The following CLEC16A variants were observed in gnomAD, a reference collection of about 807,000 sequenced individuals.
CLEC16A encodes the protein protein CLEC16A.
A neutral mutation model predicts 109.5 loss-of-function variants in CLEC16A; 51 were observed. That is an observed-to-expected ratio of 0.47 (90% CI 0.37 to 0.59). The LOEUF is 0.59. Among genes scored for constraint, CLEC16A ranks in the 20% least tolerant of loss-of-function variants. The pLI, the probability that CLEC16A is intolerant of heterozygous loss-of-function variation, is 0.00. For missense variants in CLEC16A, 1,339 were observed against 1,394.0 expected (o/e 0.96, Z 0.63); for synonymous variants, 673 against 564.2 (o/e 1.19, Z -2.73).
intron 10 of CLEC16A, among the ~76,000 whole-genome samples, chr16:11,001,240 C>T (rs2044652959): frequency 6.6e-6 from 1 of 152,196 alleles, no homozygotes; most frequent in African/African-American, 2.4e-5. Flanking sequence ...GGCATGCCAC[C>T]ATGCCCAGCT....
chr16:10,982,974 G>C lies in CLEC16A; in HGVS notation c.1054G>C (p.Asp352His). 1 of 1,601,680 alleles carries C rather than the reference G, an allele frequency of 6.2e-7. No individual in the cohort carries two copies. The highest frequency in any genetic ancestry group is 8.6e-7 in the Non-Finnish European group (1 of 1,168,744). ...TGAGATGTACGCTAAGACTGAACAG[G>C]ATATTCAGAGAAGTTCTGTAAGTCA... ...LSEMYAKTEQ[D>H]IQRSSAKPSI... is the part of the protein sequence containing the mutation. Residue 352 changes from aspartate (D) to histidine (H), a missense_variant, in exon 10 of 24, where the codon GAT (aspartate) becomes CAT (histidine). By Grantham distance (81) the Asp-to-His change is moderately conservative (BLOSUM62 -1). This residue lies in a region of CLEC16A where 1,061 missense variants were observed against 1,006.8 expected (regional missense o/e 1.05). Transcript: ENST00000409790.
intron 19 of CLEC16A, among the ~76,000 whole-genome samples, chr16:11,074,057 C>T (rs7192790): frequency 6.6e-6 from 1 of 152,170 alleles, no homozygotes; most frequent in Non-Finnish European, 1.5e-5. Flanking sequence ...CCCATCTTGG[C>T]ATTTTCTAAA....
intron 1 of CLEC16A, among the ~76,000 whole-genome samples, chr16:10,945,528 G>A (rs1171559879): frequency 6.6e-6 from 1 of 152,188 alleles, no homozygotes; most frequent in Non-Finnish European, 1.5e-5. Flanking sequence ...CAGAAATTAA[G>A]AGGCTGGCTT....
In CLEC16A at chr16:11,020,343, C is replaced by G. The variant is rs772546016; in HGVS notation, c.1436+18C>G. 6.3e-7 allele frequency: 1 copy of G among 1,593,504 alleles called. No homozygotes were observed. The highest frequency in any genetic ancestry group is 8.5e-7 in the Non-Finnish European group (1 of 1,170,202). ...TGGAGCAGGTAGCTGCCCGAGAGGT[C>G]GATGCTGAGTGCTCTCTCAGGGAAG... On this transcript the variant is annotated intron_variant, in intron 12 of 23. Transcript: ENST00000409790.
chr16:11,169,637 G>A (rs1387141814), intron 23 of CLEC16A, among the ~76,000 whole-genome samples: 1 of 152,226 alleles, frequency 6.6e-6, no homozygotes, highest in Non-Finnish European at 1.5e-5. Context: ...AAGTACACAA[G>A]ATATGCCATC....
chr16:10,995,506 G>T lies in CLEC16A; in HGVS notation c.1072-7568G>T, dbSNP rs200943305. On this transcript the variant is annotated intron_variant, in intron 10 of 23. Transcript: ENST00000409790. ...AAGTTGCTGGGAGCTTGGGAGTCAA[G>T]TTTAAAGCATAGAACATGACTGTTC... 8.5e-5 allele frequency among the ~76,000 whole-genome samples: 13 copies of T among 152,326 alleles called. No individual in the cohort carries two copies. The East Asian group carries it at 2.5e-3, about 29-fold the overall frequency.
chr16:11,126,448 G>C (rs1301196268), intron 22 of CLEC16A: 1 of 1,307,400 alleles, frequency 7.6e-7, no homozygotes, highest in Non-Finnish European at 1.0e-6. Context: ...TAAATGATTA[G>C]TGCTGAAGTT....
intron 23 of CLEC16A, among the ~76,000 whole-genome samples, chr16:11,173,063 C>A (rs1370040058): frequency 6.6e-6 from 1 of 152,128 alleles, no homozygotes; most frequent in African/African-American, 2.4e-5. Context: ...CCAAGAGAGC[C>A]CCCTTCACCC....
At chr16:11,159,237 C>T (rs2153086803) in intron 22 of CLEC16A, among the ~76,000 whole-genome samples, 1 of 152,328 alleles carries the variant, frequency 6.6e-6, no homozygotes, top group Admixed American at 6.5e-5. Context: ...GGCACAAAAG[C>T]TGAATGTCCC....
intron 23 of CLEC16A, among the ~76,000 whole-genome samples, chr16:11,170,232 C>T (rs971319798): frequency 3.3e-5 from 5 of 152,170 alleles, no homozygotes; most frequent in Non-Finnish European, 4.4e-5. Context: ...TGAAAAGTCA[C>T]GGCCCCACTC....
intron 22 of CLEC16A, among the ~76,000 whole-genome samples, chr16:11,133,442 A>G (rs28642853): frequency 0.042 from 6,346 of 152,064 alleles, 436 homozygotes; most frequent in African/African-American, 0.15. Flanking sequence ...CGGCAGGGTC[A>G]GTCACGTGAC....
chr16:11,018,824 A>G (rs1013429713), intron 11 of CLEC16A, among the ~76,000 whole-genome samples: 3 of 151,730 alleles, frequency 2.0e-5, no homozygotes. Context: ...CTGGAGCAGC[A>G]TGAGCCAGCC....
chr16:11,088,792 C>T (rs897691960), intron 19 of CLEC16A, among the ~76,000 whole-genome samples: 2 of 152,204 alleles, frequency 1.3e-5, no homozygotes, highest in Non-Finnish European at 2.9e-5. Context: ...ATGGAGTGGG[C>T]GCCGTCCTGG....
At chr16:10,972,512 T>C (rs762748621) in intron 5 of CLEC16A, 42 bp from the exon 6 acceptor site, 2 of 1,605,586 alleles carry the variant, frequency 1.2e-6, no homozygotes, top group South Asian at 1.1e-5. Flanking sequence ...TGTCTGTTTT[T>C]TGCTTTTCCT....
intron 1 of CLEC16A, among the ~76,000 whole-genome samples, chr16:10,950,380 G>A (rs904578922): frequency 6.6e-6 from 1 of 152,106 alleles, no homozygotes; most frequent in Non-Finnish European, 1.5e-5. Context: ...TTCAGAAAAG[G>A]CCAGTCTTTT....
chr16:11,002,752 T>G (rs1308519411), intron 10 of CLEC16A, among the ~76,000 whole-genome samples: 1 of 152,144 alleles, frequency 6.6e-6, no homozygotes, highest in African/African-American at 2.4e-5. Context: ...AGTAAGTGTC[T>G]GAGTTATTTC....
chr16:11,174,406 G>A lies in CLEC16A; in HGVS notation c.2807-3929G>A, dbSNP rs936766138. ...GAGCACAGAGCCATTTGCCAAGGCG[G>A]CACTTCCCCATTTTCCCCCAAAGTT... On this transcript the variant is annotated intron_variant, in intron 23 of 23. Coordinates refer to ENST00000409790, the MANE Select transcript of CLEC16A (RefSeq NM_015226.3). The surrounding 1 kb of genome is among the most constrained non-coding windows in gnomAD (Gnocchi z 4.7). 1.1e-5 allele frequency: 4 copies of A among 353,430 alleles called. No individual in the cohort carries two copies. The highest frequency in any genetic ancestry group is 1.7e-5 in the Non-Finnish European group (3 of 175,290). The allele number at this position is 353,430 out of a possible 1,614,324, so 21.9% of individuals were successfully genotyped here. A position where few individuals can be genotyped will look rare whatever the true frequency, so the allele number is the denominator to read the frequency against.
intron 22 of CLEC16A, among the ~76,000 whole-genome samples, chr16:11,143,544 A>C (rs1240153385): frequency 2.6e-5 from 4 of 152,180 alleles, no homozygotes; most frequent in Non-Finnish European, 5.9e-5. Context: ...GGCAACCTTC[A>C]TTTAACCTAA....
At chr16:11,033,655 G>T (rs1342942113) in intron 13 of CLEC16A, among the ~76,000 whole-genome samples, 1 of 152,168 alleles carries the variant, frequency 6.6e-6, no homozygotes, top group Non-Finnish European at 1.5e-5. Flanking sequence ...CAGGTCCCAA[G>T]TGACCTGGTC....
Sources: gnomAD v4.1 joint callset for allele counts (sites outside exome capture counted in the v4.1 genomes callset) on GRCh38, gnomAD v4.1.1 for gene constraint, gnomAD v4.1.1 regional missense constraint, Gnocchi (gnomAD v3.1) non-coding constraint, MANE v1.5 for transcripts, NCBI Gene and HGNC (gene_info 2026-07-23, HGNC 2026-07-21) for gene names.